FOCAD: variants seen among roughly 807,000 people sequenced by gnomAD.
FOCAD encodes focadhesin, also known as KIAA1797.
In FOCAD, 198 loss-of-function variants were observed where a neutral mutation model predicts 225.6. The observed-to-expected ratio is 0.88, with a 90% CI of 0.78 to 0.99. FOCAD has a LOEUF of 0.99. FOCAD is among the 50% of genes least tolerant of loss of function. FOCAD has a pLI of 0.00. For synonymous variants in FOCAD, 897 were observed against 755.0 expected, an observed-to-expected ratio of 1.19 and a Z score of -3.08; for missense variants, 2,713 against 2,123.6, an observed-to-expected ratio of 1.28 and a Z score of -5.46.
intron 21 of FOCAD, among the ~76,000 whole-genome samples, chr9:20,895,195 C>T (rs970090331): frequency 5.3e-5 from 8 of 151,974 alleles, no homozygotes; most frequent in African/African-American, 1.9e-4. Flanking sequence ...GTCATTTGCT[C>T]ATACCATGCT....
intron 1 of FOCAD, among the ~76,000 whole-genome samples, chr9:20,692,896 C>T (rs1441525740): frequency 5.3e-5 from 8 of 152,112 alleles, no homozygotes; most frequent in African/African-American, 7.2e-5. Flanking sequence ...CTTTGTAAAG[C>T]AGTTTGTATA....
intron 19 of FOCAD, chr9:20,875,883 G>A (rs902068169): frequency 1.3e-5 from 2 of 151,994 alleles, no homozygotes; most frequent in African/African-American, 4.8e-5. Flanking sequence ...GCTTAGTTTT[G>A]TTACAATTCT....
At chr9:20,761,205 A>G (rs761067880) in intron 6 of FOCAD, among the ~76,000 whole-genome samples, 7 of 152,252 alleles carry the variant, frequency 4.6e-5, no homozygotes, top group Non-Finnish European at 7.4e-5. Context: ...TTCTGCATTC[A>G]TTTATTGAAG....
At chr9:20,851,080 C>A (rs1485608583) in intron 15 of FOCAD, among the ~76,000 whole-genome samples, 1 of 151,212 alleles carries the variant, frequency 6.6e-6, no homozygotes, top group African/African-American at 2.4e-5. Flanking sequence ...ATTAGATAAC[C>A]TTAAGTTGGT....
chr9:20,866,644 T>C (rs1387768294), intron 17 of FOCAD, among the ~76,000 whole-genome samples: 1 of 152,026 alleles, frequency 6.6e-6, no homozygotes, highest in Non-Finnish European at 1.5e-5. Context: ...CTGATAATTT[T>C]TTCCAGTTGT....
At chr9:20,867,365 C>G (rs1318104488) in intron 18 of FOCAD, among the ~76,000 whole-genome samples, 1 of 151,772 alleles carries the variant, frequency 6.6e-6, no homozygotes, top group Non-Finnish European at 1.5e-5. Flanking sequence ...CCTGTGCAGC[C>G]AAAGATCTCT....
At chr9:20,922,169 T>C (rs1205305379) in intron 24 of FOCAD, among the ~76,000 whole-genome samples, 3 of 152,214 alleles carry the variant, frequency 2.0e-5, no homozygotes, top group African/African-American at 7.2e-5. Context: ...TGTTTTCTTA[T>C]TAGCTATATG....
Position 20,715,406 on chromosome 9 carries a change from C to T in FOCAD, c.53C>T (p.Ser18Leu). 1.3e-6 allele frequency: 2 copies of T among 1,508,650 alleles called. No homozygotes were observed. The highest frequency in any genetic ancestry group is 1.8e-6 in the Non-Finnish European group (2 of 1,120,424). 93.5% of individuals were successfully genotyped at this position (1,508,650 alleles called of 1,614,324 possible). Residue 18 changes from serine to leucine, a missense_variant, in exon 2 of 44, where the codon TCA becomes TTA. By Grantham distance (145) the Ser-to-Leu change is moderately radical (BLOSUM62 -2). Coordinates refer to ENST00000338382, the MANE Select transcript of FOCAD (RefSeq NM_001375567.1). ...RFEFPNSLIQ[S>L]QAVGHLIAAV... ...GAATTTCCAAATTCTCTTATCCAAT[C>T]ACAGGTAATTTTGTTTGTTTATTTT...
At chr9:20,957,144 A>G (rs544487030) in intron 35 of FOCAD, among the ~76,000 whole-genome samples, 100 of 152,282 alleles carry the variant, frequency 6.6e-4, no homozygotes, top group Non-Finnish European at 1.1e-3. Context: ...GCTTACTGCA[A>G]CTTCAAACTT....
At chr9:20,818,104 G>C (rs868783185) in intron 11 of FOCAD, among the ~76,000 whole-genome samples, 1 of 152,120 alleles carries the variant, frequency 6.6e-6, no homozygotes, top group Admixed American at 6.6e-5. Context: ...GGTATCTCAT[G>C]GTTTTGATTT....
At chr9:20,848,181 T>C (rs1211139765) in intron 15 of FOCAD, among the ~76,000 whole-genome samples, 1 of 152,090 alleles carries the variant, frequency 6.6e-6, no homozygotes, top group Non-Finnish European at 1.5e-5. Context: ...ACAGTCTGTA[T>C]GCTTAGCTTC....
intron 21 of FOCAD, among the ~76,000 whole-genome samples, chr9:20,906,711 A>C (rs907007371): frequency 3.9e-5 from 6 of 152,062 alleles, no homozygotes; most frequent in Non-Finnish European, 5.9e-5. Flanking sequence ...TCTGTTGGCA[A>C]TATAAATTTA....
At chr9:20,860,480 C>G (rs1259895760) in intron 15 of FOCAD, among the ~76,000 whole-genome samples, 2 of 152,106 alleles carry the variant, frequency 1.3e-5, no homozygotes, top group African/African-American at 2.4e-5. Flanking sequence ...GTTCCTCAGT[C>G]TCTTGGCCTT....
intron 9 of FOCAD, among the ~76,000 whole-genome samples, chr9:20,779,957 C>G (rs1819204234): frequency 6.6e-6 from 1 of 152,160 alleles, no homozygotes; most frequent in African/African-American, 2.4e-5. Flanking sequence ...TATACCTTCC[C>G]TCCACAGTCT....
chr9:20,932,278 T>C (rs1835555444), intron 27 of FOCAD, among the ~76,000 whole-genome samples: 1 of 152,176 alleles, frequency 6.6e-6, no homozygotes, highest in Non-Finnish European at 1.5e-5. Context: ...AAAAGTGCTC[T>C]CTGCCTGGTT....
At chr9:20,911,139 C>T (rs1833404690) in intron 22 of FOCAD, among the ~76,000 whole-genome samples, 1 of 152,032 alleles carries the variant, frequency 6.6e-6, no homozygotes, top group Non-Finnish European at 1.5e-5. Flanking sequence ...TTTGTTTTGC[C>T]TGGACTCCTG....
At chr9:20,765,624 T>G (rs1215631640) in intron 7 of FOCAD, among the ~76,000 whole-genome samples, 4 of 152,180 alleles carry the variant, frequency 2.6e-5, no homozygotes, top group Admixed American at 1.3e-4. Context: ...GTACATATAT[T>G]CTTACAATTC....
At chr9:20,956,198 A>G (rs983602559) in intron 35 of FOCAD, among the ~76,000 whole-genome samples, 3 of 152,238 alleles carry the variant, frequency 2.0e-5, no homozygotes, top group South Asian at 2.1e-4. Context: ...GTAATTGTTA[A>G]GAAGGAAATA....
At chr9:20,853,433 G>C (rs1285637344) in intron 15 of FOCAD, among the ~76,000 whole-genome samples, 3 of 151,790 alleles carry the variant, frequency 2.0e-5, no homozygotes, top group African/African-American at 7.2e-5. Flanking sequence ...AGAATTATAA[G>C]TATGTACTAC....
Sources: gnomAD v4.1 joint callset for allele counts (sites outside exome capture counted in the v4.1 genomes callset) on GRCh38, gnomAD v4.1.1 for gene constraint, MANE v1.5 for transcripts, NCBI Gene and HGNC (gene_info 2026-07-23, HGNC 2026-07-21) for gene names.